The following SH3RF2 variants were observed in gnomAD, a reference collection of about 807,000 sequenced individuals.
SH3RF2 encodes SH3 domain containing ring finger 2, also known as E3 ubiquitin-protein ligase SH3RF2.
A neutral mutation model predicts 59.0 loss-of-function variants in SH3RF2; 43 were observed. The observed-to-expected ratio is 0.73, with a 90% confidence interval of 0.57 to 0.94. SH3RF2 has a LOEUF of 0.94. SH3RF2 is among the 40% of genes least tolerant of loss of function. SH3RF2 has a pLI of 0.00. For synonymous variants in SH3RF2, 391 were observed against 391.5 expected (o/e 1.00, Z 0.01); for missense variants, 930 against 940.1 (o/e 0.99, Z 0.14).
intron 2 of SH3RF2, among the ~76,000 whole-genome samples, chr5:145,971,897 T>TGAC (rs758491744): frequency 1.3e-5 from 2 of 152,086 alleles, no homozygotes; most frequent in African/African-American, 2.4e-5. Context: ...ATGATGATGA[T>TGAC]GATGATGATG....
intron 2 of SH3RF2, among the ~76,000 whole-genome samples, chr5:145,978,435 C>T (rs1759380895): frequency 6.6e-6 from 1 of 152,180 alleles, no homozygotes. Context: ...CCACAGGGTG[C>T]TTTTATATAT....
intron 4 of SH3RF2, among the ~76,000 whole-genome samples, chr5:146,008,493 G>T (rs1561738621): frequency 1.3e-5 from 2 of 152,194 alleles, no homozygotes; most frequent in Non-Finnish European, 2.9e-5. Context: ...AGGGGCAGGT[G>T]TCCTGGGGCC....
chr5:146,031,865 G>A (rs114169630), intron 5 of SH3RF2, among the ~76,000 whole-genome samples: 2,257 of 152,162 alleles, frequency 0.015, 57 homozygotes, highest in African/African-American at 0.051. Context: ...ACATTTGGCT[G>A]GTGCATCCCC....
At chr5:146,000,416 A>T (rs1221998347) in intron 3 of SH3RF2, 89 bp downstream of exon 3, 45 of 1,159,584 alleles carry the variant, frequency 3.9e-5, no homozygotes, top group Non-Finnish European at 4.5e-5. Flanking sequence ...TGCTGATTTT[A>T]AAAAATTGTA....
intron 9 of SH3RF2, among the ~76,000 whole-genome samples, chr5:146,077,614 C>T (rs992225530): frequency 1.3e-5 from 2 of 152,196 alleles, no homozygotes; most frequent in East Asian, 1.9e-4. Context: ...TATGCACTTA[C>T]ATAACCATAA....
At chr5:146,078,967 T>A (rs1260907207) in exon 10 of SH3RF2, 1 of 152,212 alleles carries the variant, frequency 6.6e-6, no homozygotes, top group Non-Finnish European at 1.5e-5. Context: ...CCCCTAGCCA[T>A]CACCCCCAGC....
intron 4 of SH3RF2, among the ~76,000 whole-genome samples, chr5:146,010,008 C>T (rs1760809558): frequency 6.6e-6 from 1 of 152,120 alleles, no homozygotes; most frequent in Non-Finnish European, 1.5e-5. Context: ...AGGTATATCT[C>T]CTAATGCTAT....
intron 2 of SH3RF2, among the ~76,000 whole-genome samples, chr5:145,976,563 T>A (rs1759302453): frequency 6.6e-6 from 1 of 152,186 alleles, no homozygotes; most frequent in Non-Finnish European, 1.5e-5. Context: ...GAATGCCTCA[T>A]TCAAGTGCCT....
At chr5:146,073,847 G>A (rs957187706) in intron 9 of SH3RF2, among the ~76,000 whole-genome samples, 1 of 152,118 alleles carries the variant, frequency 6.6e-6, no homozygotes, top group African/African-American at 2.4e-5. Flanking sequence ...TGATGGGACA[G>A]AGAATGGCTG....
chr5:146,009,238 G>A (rs1293627735), intron 4 of SH3RF2, among the ~76,000 whole-genome samples: 1 of 152,126 alleles, frequency 6.6e-6, no homozygotes, highest in African/African-American at 2.4e-5. Context: ...GCATAAATCA[G>A]ATCTTATCAC....
At chr5:146,076,845 A>G (rs554284082) in intron 9 of SH3RF2, among the ~76,000 whole-genome samples, 3 of 152,174 alleles carry the variant, frequency 2.0e-5, no homozygotes, top group Non-Finnish European at 2.9e-5. Flanking sequence ...AGACTCCCCA[A>G]ATTGATGTGA....
At chr5:146,033,131 T>C (rs1000814311) in intron 5 of SH3RF2, among the ~76,000 whole-genome samples, 1 of 152,226 alleles carries the variant, frequency 6.6e-6, no homozygotes, top group African/African-American at 2.4e-5. Flanking sequence ...AAAATGATGA[T>C]AATGGTATTT....
intron 2 of SH3RF2, chr5:145,997,361 T>C: frequency 1.7e-6 from 2 of 1,183,886 alleles, no homozygotes; most frequent in Non-Finnish European, 2.5e-6. Context: ...AGTCTAAATA[T>C]GTTGAAGAGC....
intron 8 of SH3RF2, among the ~76,000 whole-genome samples, chr5:146,059,535 C>T (rs7716076): frequency 0.37 from 56,426 of 150,840 alleles, 10,741 homozygotes; most frequent in African/African-American, 0.39. Flanking sequence ...TTCACGCGCG[C>T]GTGTGTGTGT....
At chr5:145,991,475 T>C (rs1759929760) in intron 2 of SH3RF2, among the ~76,000 whole-genome samples, 1 of 152,220 alleles carries the variant, frequency 6.6e-6, no homozygotes, top group Non-Finnish European at 1.5e-5. Flanking sequence ...CACTGCTTCC[T>C]GCTTCCCTCT....
intron 5 of SH3RF2, among the ~76,000 whole-genome samples, chr5:146,030,917 A>G (rs938776813): frequency 3.3e-5 from 5 of 152,228 alleles, no homozygotes; most frequent in African/African-American, 1.2e-4. Flanking sequence ...AGAAGGAAAC[A>G]GTTAGGCAGT....
intron 5 of SH3RF2, among the ~76,000 whole-genome samples, chr5:146,041,856 G>A (rs543718752): frequency 7.9e-5 from 12 of 152,232 alleles, no homozygotes; most frequent in East Asian, 3.9e-4. Context: ...GATTGAACCC[G>A]GGAGGTTGAG....
intron 2 of SH3RF2, among the ~76,000 whole-genome samples, chr5:145,946,002 C>T (rs1757994302): frequency 6.6e-6 from 1 of 152,226 alleles, no homozygotes; most frequent in Non-Finnish European, 1.5e-5. Context: ...AAACCCCTAG[C>T]ACACATGAAC....
downstream of SH3RF2, among the ~76,000 whole-genome samples, chr5:146,067,448 CA>C (rs1356890724): frequency 2.0e-5 from 3 of 152,220 alleles, no homozygotes; most frequent in Admixed American, 2.0e-4. Flanking sequence ...CTCAAGTCCT[CA>C]TAACCCCCTA....
Sources: gnomAD v4.1 joint callset for allele counts (sites outside exome capture counted in the v4.1 genomes callset) on GRCh38, gnomAD v4.1.1 for gene constraint, MANE v1.5 for transcripts, NCBI Gene and HGNC (gene_info 2026-07-23, HGNC 2026-07-21) for gene names.